The following MAPK15 variants were observed in gnomAD, a reference collection of about 807,000 sequenced individuals.
MAPK15 encodes the protein ERK-7.
Under a neutral mutation model 60.8 loss-of-function variants are expected in MAPK15, and 61 were observed. The ratio of observed to expected loss-of-function variants is 1.00; its 90% CI spans 0.82 to 1.24. The LOEUF (loss-of-function observed/expected upper bound fraction) is 1.24, where lower values mean the gene tolerates loss of function less well. Among genes scored for constraint, MAPK15 ranks in the 50% most tolerant of loss-of-function variants. The pLI is 0.00. For synonymous variants in MAPK15, 356 were observed against 319.9 expected, an observed-to-expected ratio of 1.11 and a Z score of -1.21; for missense variants, 808 against 741.1, an observed-to-expected ratio of 1.09 and a Z score of -1.05.
At chr8:143,718,518 T>A in intron 4 of MAPK15, 1 of 627,484 alleles carries the variant, frequency 1.6e-6, no homozygotes. Context: ...CCCAGGCTCC[T>A]GCTCTGACCA....
Position 143,720,210 on chromosome 8 carries a change from A to C in MAPK15, c.722-20A>C. 7 of 1,559,194 alleles carry C rather than the reference A, an allele frequency of 4.5e-6. No homozygotes were observed. The highest frequency in any genetic ancestry group is 6.1e-6 in the Non-Finnish European group (7 of 1,151,866). On this transcript the variant is annotated intron_variant, in intron 7 of 13. Coordinates refer to ENST00000338033, the MANE Select transcript of MAPK15 (RefSeq NM_139021.3). This position sits in a 1 kb window ranked among gnomAD's most constrained non-coding sequence, Gnocchi z 4.6. Reference sequence around the variant, plus strand: ...AGCCGACCAGGCCTGCCTGGGTCACACCACCTTCTGCTGCCCCAGACCTCC... The same window carrying C: ...AGCCGACCAGGCCTGCCTGGGTCACCCCACCTTCTGCTGCCCCAGACCTCC...
intron 6 of MAPK15, 79 bp downstream of exon 6, chr8:143,719,235 A>C: frequency 6.7e-7 from 1 of 1,498,846 alleles, no homozygotes; most frequent in Non-Finnish European, 8.9e-7. Flanking sequence ...GGCCTCCCGT[A>C]CTCCGACCCT....
rs184814863 is a variant in MAPK15 at position 143,720,369 on chromosome 8, C to G, written c.779+82C>G. ...CCACCTTCCTGCAAGTTTACTGGGG[C>G]CAGTTTGTACCAGTTCAGATTCTGC... On this transcript the variant is annotated intron_variant, in intron 8 of 13. Coordinates refer to ENST00000338033, the MANE Select transcript of MAPK15 (RefSeq NM_139021.3). This position sits in a 1 kb window ranked among gnomAD's most constrained non-coding sequence, Gnocchi z 4.6. 325 of 1,464,146 alleles carry G rather than the reference C, an allele frequency of 2.2e-4. No homozygotes were observed. The African/African-American group carries it at 4.2e-3, about 19-fold the overall frequency. The allele number at this position is 1,464,146 out of a possible 1,614,324, so 90.7% of individuals were successfully genotyped here.
At chr8:143,716,861 G>T (rs143719634) in intron 1 of MAPK15, among the ~76,000 whole-genome samples, 3,016 of 152,318 alleles carry the variant, frequency 0.02, 44 homozygotes, top group Admixed American at 0.034. Flanking sequence ...GCGGTTATGG[G>T]GTGGGCGCAG....
Position 143,721,398 on chromosome 8 carries a change from C to T in MAPK15, c.1191C>T (p.Asp397=), listed in dbSNP as rs782756091. 5 of 1,611,270 alleles carry T rather than the reference C, an allele frequency of 3.1e-6. No individual in the cohort carries two copies. Among genetic ancestry groups the T allele is most frequent in the Non-Finnish European group, 4.2e-6 (5 of 1,178,912 alleles). The change falls in exon 11 of 14, where the codon GAC becomes GAT. Residue 397 remains aspartate (D), a synonymous_variant. Coordinates refer to ENST00000338033, the MANE Select transcript of MAPK15 (RefSeq NM_139021.3). ...GGCCCCAGAGCAGCCCAGGCCATGA[C>T]CCTGCCGAGCACGGTGTGTGATCTT... The part of the protein sequence containing the change: ...RPRPQSSPGH[D]PAEHESPRAA...
At position 143,718,197 on chromosome 8, in the gene MAPK15, C is replaced by T. The variant is rs370910535; in HGVS notation, c.196-15C>T. The T allele has an allele frequency of 3.1e-4, 494 of 1,613,982 alleles. No individual in the cohort carries two copies. The highest frequency in any genetic ancestry group is 4.1e-4 in the Non-Finnish European group (481 of 1,179,856). ...CCCCTCCTGGCCTTCCAGCCGCCTC[C>T]GACTCTCTCCCCAGGAGTTTGGGGA... On this transcript the variant is annotated splice_polypyrimidine_tract_variant and intron_variant, in intron 3 of 13. Coordinates refer to ENST00000338033, the MANE Select transcript of MAPK15 (RefSeq NM_139021.3).
chr8:143,718,204 C>T lies in MAPK15; in HGVS notation c.196-8C>T, dbSNP rs1554618788. 2.5e-6 allele frequency: 4 copies of T among 1,613,852 alleles called. No individual in the cohort carries two copies. Among genetic ancestry groups the T allele is most frequent in the East Asian group, 2.2e-5 (1 of 44,898 alleles). On this transcript the variant is annotated splice_polypyrimidine_tract_variant and splice_region_variant and intron_variant, in intron 3 of 13. Coordinates refer to ENST00000338033, the MANE Select transcript of MAPK15 (RefSeq NM_139021.3). ...TGGCCTTCCAGCCGCCTCCGACTCT[C>T]TCCCCAGGAGTTTGGGGACCATCCC...
chr8:143,719,333 C>T lies in MAPK15; in HGVS notation c.582-10C>T. 1 of 1,594,060 alleles carries T rather than the reference C, an allele frequency of 6.3e-7. No individual in the cohort carries two copies. The highest frequency in any genetic ancestry group is 1.1e-5 in the South Asian group (1 of 88,224). ...GGGTCTCTCCATGCCTACACCGCTT[C>T]CTGCCCCAGATACACCCTTGGGGTG... On this transcript the variant is annotated splice_polypyrimidine_tract_variant and intron_variant, in intron 6 of 13. Transcript: ENST00000338033.
At chr8:143,718,728 CCCCCCCAG>C in intron 4 of MAPK15, 39 bp from the exon 5 acceptor site, 2 of 270,880 alleles carry the variant, frequency 7.4e-6, no homozygotes, top group Non-Finnish European at 1.4e-5. Flanking sequence ...CCCCAGGTTG[CCCCCCCAG>C]CCCCCCACCC....
At position 143,722,113 on chromosome 8, in the gene MAPK15, G is replaced by T. The variant is rs781918242; in HGVS notation, c.1497G>T (p.Arg499=). 6.2e-7 allele frequency: 1 copy of T among 1,612,554 alleles called. No individual in the cohort carries two copies. ...PRLPPEARPG[R]RMFSTSALQG... ...TTCCTCCGGAGGCCCGGCCCGGCCG[G>T]AGGATGTTCAGCACCTCTGCCTTGC... The change falls in exon 14 of 14, where the codon CGG becomes CGT. Residue 499 remains arginine, a synonymous_variant. Coordinates refer to ENST00000338033, the MANE Select transcript of MAPK15 (RefSeq NM_139021.3).
chr8:143,716,803 C>A (rs1303897179), intron 1 of MAPK15, among the ~76,000 whole-genome samples: 1 of 152,176 alleles, frequency 6.6e-6, no homozygotes, highest in Non-Finnish European at 1.5e-5. Flanking sequence ...AGAGGAAGGG[C>A]GGACCCCAGG....
chr8:143,718,709 T>TCC, intron 4 of MAPK15, 66 bp from the exon 5 acceptor site: 1 of 1,176,380 alleles, frequency 8.5e-7, no homozygotes, highest in Non-Finnish European at 1.2e-6. Flanking sequence ...GGTGCCCCTC[T>TCC]CCCACTCCCC....
chr8:143,717,865 G>A, intron 2 of MAPK15, 73 bp downstream of exon 2: 1 of 1,530,074 alleles, frequency 6.5e-7, no homozygotes, highest in Admixed American at 1.7e-5. Context: ...GTGCCTGGAA[G>A]CTCAGGTGGG....
In MAPK15 at chr8:143,721,831, G is replaced by A. The variant is rs576245505; in HGVS notation, c.1409G>A (p.Arg470Gln). The A allele has an allele frequency of 2.2e-3, 3,603 of 1,610,558 alleles. 98 individuals are homozygous for A. The South Asian group carries it at 0.037, about 16-fold the overall frequency. ...AAQVANQALI[R>Q]GDWNRGGGVR... ...CAGGTGGCCAACCAGGCCCTGATCC[G>A]GGGTGACTGGAACCGGGGCGGTGGG... Residue 470 changes from arginine (R) to glutamine (Q), a missense_variant, in exon 13 of 14, where the codon CGG becomes CAG. Transcript: ENST00000338033.
intron 1 of MAPK15, among the ~76,000 whole-genome samples, chr8:143,716,947 G>T (rs913000346): frequency 5.9e-5 from 9 of 152,024 alleles, no homozygotes; most frequent in South Asian, 2.1e-4. Context: ...TGGGTGTGTG[G>T]GGGGGTGTTC....
chr8:143,716,867 C>T (rs1024917269), intron 1 of MAPK15, among the ~76,000 whole-genome samples: 9 of 151,966 alleles, frequency 5.9e-5, no homozygotes, highest in Admixed American at 3.9e-4. Flanking sequence ...ATGGGGTGGG[C>T]GCAGAGTGAA....
At chr8:143,719,552 C>T in intron 7 of MAPK15, 70 bp downstream of exon 7, 6 of 1,552,114 alleles carry the variant, frequency 3.9e-6, no homozygotes, top group Non-Finnish European at 5.2e-6. Context: ...GGGGAGACAG[C>T]AGCTGACAGG....
chr8:143,720,946 C>T lies in MAPK15; in HGVS notation c.918-54C>T. The T allele has an allele frequency of 3.2e-6, 5 of 1,581,036 alleles. No homozygotes were observed. The highest frequency in any genetic ancestry group is 2.7e-5 in the African/African-American group (2 of 74,352). On this transcript the variant is annotated intron_variant, in intron 9 of 13. Coordinates refer to ENST00000338033, the MANE Select transcript of MAPK15 (RefSeq NM_139021.3). The surrounding 1 kb of genome is among the most constrained non-coding windows in gnomAD (Gnocchi z 4.6). ...CACAGCAGGGACCCTGCTGTGACGGCTTGAGGGGCTCCCTTGGCCGCAGCC... is the reference window on the plus strand; with the variant it reads ...CACAGCAGGGACCCTGCTGTGACGGTTTGAGGGGCTCCCTTGGCCGCAGCC...
intron 3 of MAPK15, 56 bp from the exon 4 acceptor site, chr8:143,718,153 CTTG>C: frequency 6.2e-7 from 1 of 1,613,030 alleles, no homozygotes; most frequent in Non-Finnish European, 8.5e-7. Context: ...AACTGGCCTT[CTTG>C]GGCCCCAGAG....
Sources: gnomAD v4.1 joint callset for allele counts (sites outside exome capture counted in the v4.1 genomes callset) on GRCh38, gnomAD v4.1.1 for gene constraint, Gnocchi (gnomAD v3.1) non-coding constraint, MANE v1.5 for transcripts, NCBI Gene and HGNC (gene_info 2026-07-23, HGNC 2026-07-21) for gene names.